Variants in REXO5 observed in about 807,000 individuals in gnomAD.
REXO5 encodes exonuclease NEF-sp.
REXO5 carries 48 observed loss-of-function variants against 88.5 expected under a neutral mutation model. That is an observed-to-expected ratio of 0.54 (90% CI 0.43 to 0.69). The LOEUF (loss-of-function observed/expected upper bound fraction) is 0.69, where lower values mean the gene tolerates loss of function less well. Among genes scored for constraint, REXO5 ranks in the 30% least tolerant of loss-of-function variants. The pLI is 0.00. For synonymous variants in REXO5, 311 were observed against 336.5 expected (o/e 0.92, Z 0.83); for missense variants, 749 against 912.2 (o/e 0.82, Z 2.30).
Position 20,844,754 on chromosome 16 carries a change from A to C in REXO5, c.1845A>C (p.Leu615=). Residue 615 remains leucine (L), a synonymous_variant, in exon 17 of 20, where the codon CTA becomes CTC. Transcript: ENST00000261377. ...SGVSETFKEQ[L]LQEPRLFLGL... is the part of the protein sequence containing the mutation. ...TGAGTGAAACCTTCAAAGAACAGCTATTGCAGGAGCCCCGCCTCTTTCTTG... is the reference window on the plus strand; with the variant it reads ...TGAGTGAAACCTTCAAAGAACAGCTCTTGCAGGAGCCCCGCCTCTTTCTTG... The C allele has an allele frequency of 6.2e-7, 1 of 1,614,174 alleles. No individual in the cohort carries two copies. The highest frequency in any genetic ancestry group is 8.5e-7 in the Non-Finnish European group (1 of 1,180,022).
intron 2 of REXO5, among the ~76,000 whole-genome samples, chr16:20,807,550 T>C (rs1372623838): frequency 8.6e-6 from 1 of 116,776 alleles, no homozygotes; most frequent in African/African-American, 3.4e-5. Flanking sequence ...GCCATTACAC[T>C]CCACCCTGGA....
intron 2 of REXO5, among the ~76,000 whole-genome samples, chr16:20,811,649 C>T (rs2081000565): frequency 6.6e-6 from 1 of 152,114 alleles, no homozygotes; most frequent in African/African-American, 2.4e-5. Context: ...TCTGTCTCTC[C>T]AATTTATCTG....
chr16:20,837,749 T>G (rs1042651563), intron 13 of REXO5, among the ~76,000 whole-genome samples: 1 of 152,098 alleles, frequency 6.6e-6, no homozygotes, highest in African/African-American at 2.4e-5. Context: ...AATGCTTCGA[T>G]TCTCACTTTA....
intron 2 of REXO5, among the ~76,000 whole-genome samples, chr16:20,811,107 C>T (rs914849764): frequency 6.6e-6 from 1 of 152,184 alleles, no homozygotes; most frequent in African/African-American, 2.4e-5. Flanking sequence ...AGAGCACCCT[C>T]CTGCATGAAT....
intron 2 of REXO5, among the ~76,000 whole-genome samples, chr16:20,807,838 C>T (rs1022569252): frequency 8.5e-5 from 13 of 152,104 alleles, no homozygotes; most frequent in African/African-American, 3.1e-4. Flanking sequence ...TCCTTGCCCT[C>T]GTGCAGTTTA....
intron 13 of REXO5, 89 bp from the exon 14 acceptor site, chr16:20,839,666 A>G (rs914352013): frequency 3.9e-6 from 3 of 775,350 alleles, no homozygotes; most frequent in Admixed American, 2.7e-5. Context: ...TAAAAAGACA[A>G]CTACTGTTTA....
At chr16:20,813,879 C>A (rs566240755) in intron 3 of REXO5, among the ~76,000 whole-genome samples, 1 of 151,760 alleles carries the variant, frequency 6.6e-6, no homozygotes, top group Non-Finnish European at 1.5e-5. Flanking sequence ...GGCAACATAG[C>A]GAGACTCAGG....
chr16:20,843,370 T>A (rs2081559624), intron 15 of REXO5, among the ~76,000 whole-genome samples: 2 of 152,234 alleles, frequency 1.3e-5, no homozygotes, highest in South Asian at 4.1e-4. Context: ...CAAAAGGTTT[T>A]AATTTTTATG....
intron 12 of REXO5, 36 bp downstream of exon 12, chr16:20,832,295 A>C: frequency 7.5e-7 from 1 of 1,324,664 alleles, no homozygotes; most frequent in Non-Finnish European, 1.1e-6. Flanking sequence ...GCAAAGACAA[A>C]TGGAGTATCT....
intron 15 of REXO5, among the ~76,000 whole-genome samples, chr16:20,842,620 C>T (rs371029896): frequency 2.0e-5 from 3 of 151,868 alleles, no homozygotes; most frequent in Admixed American, 6.6e-5. Flanking sequence ...CAGGCATGCA[C>T]GCCTGGCTAA....
Position 20,806,686 on chromosome 16 carries a change from G to A in REXO5, c.-22G>A. On this transcript the variant is annotated 5_prime_UTR_variant, in exon 1 of 20. Coordinates refer to ENST00000261377, the MANE Select transcript of REXO5 (RefSeq NM_030941.3). ...CAGGCAGACGCCCGTTGTAGCCGTT[G>A]GGGAACCGTTGAGAATCCGGTAACC... 3.8e-6 allele frequency: 4 copies of A among 1,060,370 alleles called. No homozygotes were observed. The South Asian group carries it at 6.8e-5, about 18-fold the overall frequency. 65.7% of individuals were successfully genotyped at this position (1,060,370 alleles called of 1,614,324 possible).
intron 12 of REXO5, among the ~76,000 whole-genome samples, 189 bp downstream of exon 12, chr16:20,832,448 C>A (rs952130199): frequency 6.8e-6 from 1 of 147,790 alleles, no homozygotes; most frequent in Non-Finnish European, 1.5e-5. Context: ...TATTTAATTT[C>A]TAATTTTCTG....
Position 20,814,966 on chromosome 16 carries a change from A to C in REXO5, c.291A>C (p.Val97=). The C allele has an allele frequency of 4.3e-6, 7 of 1,613,630 alleles. No individual in the cohort carries two copies. Among genetic ancestry groups the C allele is most frequent in the Non-Finnish European group, 5.9e-6 (7 of 1,179,800 alleles). ...TTCATCAAAACCACCTAAACAACGT[A>C]GTGGTTTTTGTTCTGCAGGGAATGA... ...QLFHQNHLNN[V]VVFVLQGMSQ... Residue 97 remains valine, a synonymous_variant, in exon 4 of 20, where the codon GTA becomes GTC. Transcript: ENST00000261377.
chr16:20,833,628 C>T (rs1441615227), intron 13 of REXO5, among the ~76,000 whole-genome samples: 1 of 151,948 alleles, frequency 6.6e-6, no homozygotes, highest in Non-Finnish European at 1.5e-5. Flanking sequence ...CTAGATTCAC[C>T]TTTTTTAGCA....
At chr16:20,821,977 G>C in intron 6 of REXO5, 75 bp downstream of exon 6, 6 of 1,382,838 alleles carry the variant, frequency 4.3e-6, no homozygotes, top group Non-Finnish European at 5.8e-6. Flanking sequence ...TACTGTTTGA[G>C]ATTCATTTAT....
chr16:20,819,016 C>T (rs895323922), intron 5 of REXO5, among the ~76,000 whole-genome samples: 2 of 152,154 alleles, frequency 1.3e-5, no homozygotes, highest in African/African-American at 4.8e-5. Flanking sequence ...TAAGTGAGAA[C>T]ATGGTGTTGT....
rs897879878 is a variant in REXO5 at position 20,844,674 on chromosome 16, G to A, written c.1765G>A (p.Val589Met). 19 of 1,614,178 alleles carry A rather than the reference G, an allele frequency of 1.2e-5. No homozygotes were observed. Among genetic ancestry groups the A allele is most frequent in the East Asian group, 6.7e-5 (3 of 44,888 alleles). ...TELTLDCDTL[V>M]NELEGDSENQ... Reference sequence around the variant, plus strand: ...GCTCACGCTTGATTGTGACACCCTCGTGAATGAGCTGGAAGGAGATTCTGA... The same window carrying A: ...GCTCACGCTTGATTGTGACACCCTCATGAATGAGCTGGAAGGAGATTCTGA... The change falls in exon 17 of 20, where the codon GTG becomes ATG. Residue 589 changes from valine to methionine, a missense_variant. Transcript: ENST00000261377.
At chr16:20,816,042 A>G in intron 4 of REXO5, 74 bp from the exon 5 acceptor site, 1 of 1,192,202 alleles carries the variant, frequency 8.4e-7, no homozygotes, top group Non-Finnish European at 1.2e-6. Flanking sequence ...TGAGGTGACA[A>G]TAAAAGTCCA....
chr16:20,843,786 A>C, intron 15 of REXO5, 148 bp from the exon 16 acceptor site: 1 of 474,210 alleles, frequency 2.1e-6, no homozygotes, highest in Non-Finnish European at 3.8e-6. Context: ...TAAAGTTGAC[A>C]GTTTACAATC....
Sources: gnomAD v4.1 joint callset for allele counts (sites outside exome capture counted in the v4.1 genomes callset) on GRCh38, gnomAD v4.1.1 for gene constraint, MANE v1.5 for transcripts, NCBI Gene and HGNC (gene_info 2026-07-23, HGNC 2026-07-21) for gene names.